The following PCGF5 variants were observed in gnomAD, a reference collection of about 807,000 sequenced individuals.
PCGF5 encodes the protein polycomb group ring finger 5.
PCGF5 carries 9 observed loss-of-function variants against 44.3 expected under a neutral mutation model. The ratio of observed to expected loss-of-function variants is 0.20; its 90% confidence interval spans 0.12 to 0.35. PCGF5 has a LOEUF of 0.35. Ranked by LOEUF, PCGF5 falls within the 10% of genes least tolerant of loss-of-function variation. The pLI is 1.00. For missense variants in PCGF5, 146 were observed against 305.3 expected, an observed-to-expected ratio of 0.48 and a Z score of 3.89; for synonymous variants, 95 against 102.5, an observed-to-expected ratio of 0.93 and a Z score of 0.44.
chr10:91,236,265 G>T (rs889611642), intron 2 of PCGF5, among the ~76,000 whole-genome samples: 1 of 152,152 alleles, frequency 6.6e-6, no homozygotes, highest in Non-Finnish European at 1.5e-5. Flanking sequence ...GCCTAGTCAG[G>T]CTCTCCAGCA....
chr10:91,256,454 T>C (rs1291156116), intron 6 of PCGF5, among the ~76,000 whole-genome samples: 1 of 151,654 alleles, frequency 6.6e-6, no homozygotes. Flanking sequence ...GTAGACACCA[T>C]CAAGCTTACC....
chr10:91,240,469 C>T lies in PCGF5; in HGVS notation c.113-15C>T, dbSNP rs1845294484. The T allele has an allele frequency of 1.3e-6, 2 of 1,574,914 alleles. No individual in the cohort carries two copies. The highest frequency in any genetic ancestry group is 1.4e-5 in the African/African-American group (1 of 73,928). ...CATATGATGCGTTTTAACCTAACAT[C>T]TTCTTTCTTCTTAGTCTGTAAGACT... On this transcript the variant is annotated splice_polypyrimidine_tract_variant and intron_variant, in intron 2 of 9. Transcript: ENST00000336126.
intron 1 of PCGF5, among the ~76,000 whole-genome samples, chr10:91,175,391 G>A (rs563985057): frequency 2.2e-4 from 33 of 152,252 alleles, no homozygotes; most frequent in African/African-American, 7.9e-4. Flanking sequence ...AGGACTGGAG[G>A]ACTCTTCTCT....
intron 6 of PCGF5, among the ~76,000 whole-genome samples, chr10:91,259,950 C>G (rs999568484): frequency 6.6e-6 from 1 of 151,396 alleles, no homozygotes; most frequent in Non-Finnish European, 1.5e-5. Flanking sequence ...GTAACAAAAG[C>G]CAAAATTGAC....
chr10:91,261,548 G>GT lies in PCGF5; in HGVS notation c.573+126dup, dbSNP rs1845909239. ...TTGTGGAAACTTTGATTATTTTTGTGTTAAAAATTTAATTTTCAGAATGTA... is the reference window on the plus strand; with the variant it reads ...TTGTGGAAACTTTGATTATTTTTGTGTTTAAAAATTTAATTTTCAGAATGTA... On this transcript the variant is annotated intron_variant, in intron 7 of 9. Coordinates refer to ENST00000336126, the MANE Select transcript of PCGF5 (RefSeq NM_032373.5). 3 of 1,189,780 alleles carry GT rather than the reference G, an allele frequency of 2.5e-6. No homozygotes were observed. The South Asian group carries it at 9.0e-5, about 36-fold the overall frequency. The allele number at this position is 1,189,780 out of a possible 1,614,324, so 73.7% of individuals were successfully genotyped here.
At chr10:91,240,380 A>G in intron 2 of PCGF5, 104 bp from the exon 3 acceptor site, 1 of 660,004 alleles carries the variant, frequency 1.5e-6, no homozygotes, top group African/African-American at 1.9e-5. Flanking sequence ...ATGATATTCT[A>G]CTTGTAGTAG....
upstream of PCGF5, among the ~76,000 whole-genome samples, chr10:91,219,050 G>A (rs757366765): frequency 3.9e-5 from 6 of 152,068 alleles, no homozygotes; most frequent in Non-Finnish European, 7.4e-5. Flanking sequence ...AGGCAGAGGC[G>A]AAACCACAGA....
At chr10:91,204,956 A>G (rs1844317902) in intron 1 of PCGF5, among the ~76,000 whole-genome samples, 2 of 152,246 alleles carry the variant, frequency 1.3e-5, no homozygotes, top group African/African-American at 4.8e-5. Context: ...TGGAATACAT[A>G]GCTATATTTA....
chr10:91,173,595 T>TTTTTTTTTC (rs71025342), intron 1 of PCGF5, among the ~76,000 whole-genome samples: 41 of 140,834 alleles, frequency 2.9e-4, no homozygotes, highest in East Asian at 1.6e-3. Context: ...TTTTTTTTTT[T>TTTTTTTTTC]CCCACAGAAG....
At chr10:91,218,449 C>T (rs981285280), upstream of PCGF5, among the ~76,000 whole-genome samples, 24 of 151,928 alleles carry the variant, frequency 1.6e-4, no homozygotes, top group African/African-American at 5.8e-4. Context: ...TGTCCTCTGC[C>T]CCCACTGGCA....
Position 91,171,549 on chromosome 10 carries a change from A to G in PCGF5, c.-184+8468A>G, listed in dbSNP as rs187016233. On this transcript the variant is annotated intron_variant, in intron 1 of 9. Coordinates refer to the PCGF5 transcript ENST00000614189. ...AATTGGAAGTAGAGATGCTGTGAGTATCACTGAAACTGCCAACTCCATATG... is the reference window on the plus strand; with the variant it reads ...AATTGGAAGTAGAGATGCTGTGAGTGTCACTGAAACTGCCAACTCCATATG... Among the ~76,000 whole-genome samples the G allele has an allele frequency of 3.7e-4, 56 of 152,280 alleles. No individual in the cohort carries two copies. In the East Asian group the frequency reaches 0.011, roughly 29 times the overall value.
At chr10:91,259,279 A>G (rs1845833730) in intron 6 of PCGF5, among the ~76,000 whole-genome samples, 3 of 152,140 alleles carry the variant, frequency 2.0e-5, no homozygotes, top group Non-Finnish European at 2.9e-5. Context: ...GGTCCACACT[A>G]TGCAACTTCT....
chr10:91,250,686 A>G lies in PCGF5; in HGVS notation c.326-606A>G, dbSNP rs907334470. 1.6e-4 allele frequency among the ~76,000 whole-genome samples: 24 copies of G among 151,760 alleles called. 1 individual carries two copies. Among genetic ancestry groups the G allele is most frequent in the Admixed American group, 1.4e-3 (22 of 15,194 alleles). On this transcript the variant is annotated intron_variant, in intron 5 of 9. Transcript: ENST00000336126. Reference sequence around the variant, plus strand: ...ATTATTTATAGGCTACAGGTTTGTAATAGGTGAAATACATTTGTATATAAT... The same window carrying G: ...ATTATTTATAGGCTACAGGTTTGTAGTAGGTGAAATACATTTGTATATAAT...
chr10:91,160,122 A>C (rs899319379), upstream of PCGF5, among the ~76,000 whole-genome samples: 1 of 152,034 alleles, frequency 6.6e-6, no homozygotes, highest in African/African-American at 2.4e-5. Flanking sequence ...CACATAATTT[A>C]CTCTTCCACC....
chr10:91,159,008 C>G (rs1186827901), upstream of PCGF5, among the ~76,000 whole-genome samples: 2 of 152,106 alleles, frequency 1.3e-5, no homozygotes, highest in Non-Finnish European at 2.9e-5. Context: ...TGGGGGGATC[C>G]AGGGCTAGCA....
chr10:91,269,265 C>G (rs1485952031), intron 8 of PCGF5, among the ~76,000 whole-genome samples: 1 of 152,174 alleles, frequency 6.6e-6, no homozygotes, highest in Admixed American at 6.6e-5. Flanking sequence ...AATCAGATCT[C>G]AGTTTGGAAG....
At chr10:91,249,410 T>C (rs577346298) in intron 5 of PCGF5, among the ~76,000 whole-genome samples, 945 of 65,700 alleles carry the variant, frequency 0.014, 20 homozygotes, top group African/African-American at 0.051. Context: ...TATATATATA[T>C]ATATATATAT....
chr10:91,239,899 C>T (rs1281149336), intron 2 of PCGF5, among the ~76,000 whole-genome samples: 1 of 152,110 alleles, frequency 6.6e-6, no homozygotes, highest in South Asian at 2.1e-4. Flanking sequence ...CCTCTCATGC[C>T]TTTGTCCCAA....
intron 8 of PCGF5, among the ~76,000 whole-genome samples, chr10:91,270,812 T>A (rs1464242319): frequency 6.6e-6 from 1 of 152,150 alleles, no homozygotes; most frequent in Non-Finnish European, 1.5e-5. Flanking sequence ...CAATGTTGAA[T>A]TCATATATGC....
Sources: allele counts gnomAD v4.1 joint callset (sites outside exome capture counted in the v4.1 genomes callset), GRCh38; gene constraint gnomAD v4.1.1; transcripts MANE v1.5; gene names NCBI Gene and HGNC (gene_info 2026-07-23, HGNC 2026-07-21).